Variants in PRKCH observed in about 807,000 individuals in gnomAD.
PRKCH encodes protein kinase C eta.
PRKCH carries 28 observed loss-of-function variants against 82.5 expected under a neutral mutation model. The observed-to-expected ratio is 0.34, with a 90% confidence interval of 0.25 to 0.47. The LOEUF (loss-of-function observed/expected upper bound fraction) is 0.47, where lower values mean the gene tolerates loss of function less well. PRKCH is among the 20% of genes least tolerant of loss of function. PRKCH has a pLI of 1.00. For missense variants in PRKCH, 705 were observed against 881.8 expected (o/e 0.80, Z 2.54); for synonymous variants, 322 against 327.4 (o/e 0.98, Z 0.18).
intron 12 of PRKCH, chr14:61,537,864 C>G (rs973396988): frequency 6.6e-6 from 1 of 152,384 alleles, no homozygotes; most frequent in East Asian, 1.9e-4. Context: ...TCCAGCCTCT[C>G]AGATTTCATC....
At chr14:61,455,079 G>C (rs936521358) in intron 7 of PRKCH, among the ~76,000 whole-genome samples, 1 of 151,630 alleles carries the variant, frequency 6.6e-6, no homozygotes, top group Admixed American at 6.6e-5. Context: ...GCCCAGGCTG[G>C]AGTGCAGTGG....
At chr14:61,238,411 T>C (rs1434023209) in intron 1 of PRKCH, among the ~76,000 whole-genome samples, 2 of 152,186 alleles carry the variant, frequency 1.3e-5, no homozygotes, top group African/African-American at 4.8e-5. Context: ...AGATCATTTT[T>C]CTCATTATAA....
chr14:61,261,255 C>A (rs1005974695), intron 1 of PRKCH, among the ~76,000 whole-genome samples: 1 of 151,968 alleles, frequency 6.6e-6, no homozygotes, highest in Non-Finnish European at 1.5e-5. Flanking sequence ...TTTAAAAGGG[C>A]AAGGGAAAAA....
At chr14:61,389,195 C>G (rs1346005012) in intron 1 of PRKCH, among the ~76,000 whole-genome samples, 3 of 152,098 alleles carry the variant, frequency 2.0e-5, no homozygotes, top group African/African-American at 4.8e-5. Context: ...GGGCAACATG[C>G]CTCTCTAAGC....
intron 1 of PRKCH, among the ~76,000 whole-genome samples, chr14:61,214,521 C>G (rs1164688679): frequency 6.6e-6 from 1 of 151,968 alleles, no homozygotes; most frequent in East Asian, 1.9e-4. Flanking sequence ...TGGTAAAATA[C>G]CATAGACTAG....
At chr14:61,485,439 T>C (rs1414470813) in intron 9 of PRKCH, 63 bp from the exon 10 acceptor site, 2 of 1,563,386 alleles carry the variant, frequency 1.3e-6, no homozygotes, top group African/African-American at 1.4e-5. Context: ...GGCAATATGC[T>C]GCTGATGGAG....
At chr14:61,394,517 C>A (rs1225400499) in intron 2 of PRKCH, among the ~76,000 whole-genome samples, 3 of 152,166 alleles carry the variant, frequency 2.0e-5, no homozygotes, top group East Asian at 3.8e-4. Context: ...GGGTAAGATT[C>A]TCTCTCATTC....
intron 9 of PRKCH, among the ~76,000 whole-genome samples, chr14:61,482,933 G>A (rs546435753): frequency 1.0e-3 from 158 of 152,288 alleles, no homozygotes; most frequent in African/African-American, 3.6e-3. Flanking sequence ...TGCCAAGTGC[G>A]CCACTTATAG....
intron 10 of PRKCH, among the ~76,000 whole-genome samples, chr14:61,517,435 ACT>A (rs2042844871): frequency 6.6e-6 from 1 of 152,190 alleles, no homozygotes; most frequent in African/African-American, 2.4e-5. Context: ...TAAGAATAGC[ACT>A]GTTTCCATTA....
At chr14:61,528,912 C>T (rs1335144140) in intron 10 of PRKCH, 163 bp from the exon 11 acceptor site, 2 of 600,306 alleles carry the variant, frequency 3.3e-6, no homozygotes, top group East Asian at 3.4e-5. Context: ...CCAGATAGCA[C>T]AGAGAAGTTT....
chr14:61,499,955 A>C (rs1283792321), intron 10 of PRKCH, among the ~76,000 whole-genome samples: 1 of 151,518 alleles, frequency 6.6e-6, no homozygotes, highest in Non-Finnish European at 1.5e-5. Flanking sequence ...TGGGTCTCCC[A>C]ATCTAGTTTA....
Position 61,267,995 on chromosome 14 carries a change from ATAAAC to A in PRKCH, c.-19+80331_-19+80335del, listed in dbSNP as rs199729210. On this transcript the variant is annotated intron_variant, in intron 1 of 3. Coordinates refer to the PRKCH transcript ENST00000555185. ...ATATGAAAAGAAAAATATATTTAAA[ATAAAC>A]TAAGCTTTATTTTTGCTAAGATTTT... Among the ~76,000 whole-genome samples the A allele has an allele frequency of 2.6e-3, 400 of 152,360 alleles. 4 individuals carry two copies. Among genetic ancestry groups the A allele is most frequent in the Admixed American group, 0.022 (341 of 15,300 alleles).
At chr14:61,203,678 G>C (rs936118817) in intron 1 of PRKCH, among the ~76,000 whole-genome samples, 9 of 151,966 alleles carry the variant, frequency 5.9e-5, no homozygotes, top group African/African-American at 1.7e-4. Flanking sequence ...GTGACCTACG[G>C]TAAGAACATA....
At chr14:61,272,340 CTTTCTTTTTTTTTTTTTT>C (rs1461642976) in intron 1 of PRKCH, among the ~76,000 whole-genome samples, 4 of 97,828 alleles carry the variant, frequency 4.1e-5, no homozygotes, top group South Asian at 3.6e-4. Context: ...TTTCTTTTTT[CTTTCTTTTTTTTTTTTTT>C]TTTTTTTTTT....
intron 1 of PRKCH, among the ~76,000 whole-genome samples, chr14:61,364,078 G>T (rs1747633262): frequency 6.8e-6 from 1 of 147,786 alleles, no homozygotes; most frequent in African/African-American, 2.5e-5. Flanking sequence ...TAAATAAATT[G>T]CCCAGGCTGG....
At chr14:61,501,722 A>G (rs1692297380) in intron 10 of PRKCH, among the ~76,000 whole-genome samples, 1 of 152,196 alleles carries the variant, frequency 6.6e-6, no homozygotes, top group African/African-American at 2.4e-5. Flanking sequence ...ACTAAAGAGC[A>G]GTGTCACTTT....
rs987728279 is a variant in PRKCH at position 61,368,557 on chromosome 14, C to T, written c.364-22668C>T. Among the ~76,000 whole-genome samples, 4 of 152,096 alleles carry T rather than the reference C, an allele frequency of 2.6e-5. No individual in the cohort carries two copies. In the East Asian group the frequency reaches 7.7e-4, roughly 29 times the overall value. On this transcript the variant is annotated intron_variant, in intron 1 of 13. Coordinates refer to ENST00000332981, the MANE Select transcript of PRKCH (RefSeq NM_006255.5). ...CAGTAGGCCAGGGGTCAGCAGACTT[C>T]ATGCTGTGTGCCTTAGGCCACATGA...
At chr14:61,480,145 T>C (rs558208315) in intron 9 of PRKCH, among the ~76,000 whole-genome samples, 4 of 152,200 alleles carry the variant, frequency 2.6e-5, no homozygotes, top group Non-Finnish European at 4.4e-5. Flanking sequence ...TCTAGGAAAA[T>C]GGACTTTAGA....
chr14:61,226,970 G>A lies in PRKCH; in HGVS notation c.-19+39302G>A, dbSNP rs529728337. Among the ~76,000 whole-genome samples, 27 of 152,236 alleles carry A rather than the reference G, an allele frequency of 1.8e-4. No individual in the cohort carries two copies. In the South Asian group the frequency reaches 5.4e-3, roughly 30 times the overall value. On this transcript the variant is annotated intron_variant, in intron 1 of 3. Coordinates refer to the PRKCH transcript ENST00000555185. ...TAGGCTTTTCACAGTGAAAGTCCTG[G>A]TGTACAATACATCTACTGAGATGGG...
Sources: gnomAD v4.1 joint callset for allele counts (sites outside exome capture counted in the v4.1 genomes callset) on GRCh38, gnomAD v4.1.1 for gene constraint, MANE v1.5 for transcripts, NCBI Gene and HGNC (gene_info 2026-07-23, HGNC 2026-07-21) for gene names.